The following SASH1 variants were observed in gnomAD, a reference collection of about 807,000 sequenced individuals.
SASH1 encodes the protein SAM and SH3 domain-containing protein 1.
Under a neutral mutation model 125.2 loss-of-function variants are expected in SASH1, and 44 were observed. That is an observed-to-expected ratio of 0.35 (90% CI 0.28 to 0.45). The LOEUF (loss-of-function observed/expected upper bound fraction) is 0.45. SASH1 is among the 20% of genes least tolerant of loss of function. SASH1 has a pLI of 1.00. For synonymous variants in SASH1, 639 were observed against 649.1 expected, an observed-to-expected ratio of 0.98 and a Z score of 0.24; for missense variants, 1,426 against 1,614.5, an observed-to-expected ratio of 0.88 and a Z score of 2.00.
intron 10 of SASH1, among the ~76,000 whole-genome samples, chr6:148,522,075 G>A (rs1250294382): frequency 2.0e-5 from 3 of 152,158 alleles, no homozygotes; most frequent in Non-Finnish European, 1.5e-5. Context: ...ATGGACATTT[G>A]GGCAAGCTCA....
chr6:148,466,297 G>T (rs1018061539), intron 4 of SASH1, among the ~76,000 whole-genome samples: 3 of 152,180 alleles, frequency 2.0e-5, no homozygotes, highest in African/African-American at 7.2e-5. Flanking sequence ...ACAATAGAAA[G>T]CTTTCAGATT....
chr6:148,195,823 A>C, the SASH1 span, among the ~76,000 whole-genome samples: 7 of 152,220 alleles, frequency 4.6e-5, no homozygotes, highest in South Asian at 1.4e-3. Flanking sequence ...ATTTACTATG[A>C]ACCAATGGCT....
chr6:148,232,709 A>T, the SASH1 span, among the ~76,000 whole-genome samples: 1 of 152,284 alleles, frequency 6.6e-6, no homozygotes, highest in African/African-American at 2.4e-5. Context: ...GGAAAATCAG[A>T]GGACTTGGCA....
chr6:148,243,651 C>CAAAA, the SASH1 span, among the ~76,000 whole-genome samples: 2 of 70,286 alleles, frequency 2.8e-5, no homozygotes, highest in Admixed American at 2.1e-4. Context: ...AACTGTGTCT[C>CAAAA]AAAAAAAAAA....
chr6:148,487,214 T>C (rs1778916965), intron 7 of SASH1, among the ~76,000 whole-genome samples: 2 of 151,238 alleles, frequency 1.3e-5, no homozygotes, highest in Admixed American at 1.3e-4. Flanking sequence ...ATGCATGTTT[T>C]TGACTTACAC....
intron 11 of SASH1, among the ~76,000 whole-genome samples, 198 bp downstream of exon 11, chr6:148,525,563 C>A (rs1415991504): frequency 6.6e-6 from 1 of 152,244 alleles, no homozygotes; most frequent in East Asian, 1.9e-4. Context: ...ACCACTCTCA[C>A]TGCCATCTCC....
chr6:148,268,206 T>C (rs751108329), upstream of SASH1, among the ~76,000 whole-genome samples: 7 of 152,222 alleles, frequency 4.6e-5, no homozygotes, highest in Non-Finnish European at 7.3e-5. Flanking sequence ...GAAAGAATCT[T>C]TCATTTAAAA....
chr6:148,213,505 G>GGTGTGT, the SASH1 span, among the ~76,000 whole-genome samples: 6,664 of 148,404 alleles, frequency 0.045, 165 homozygotes, highest in African/African-American at 0.046. Flanking sequence ...CTAGCCAAAG[G>GGTGTGT]GTGTGTGTGT....
At chr6:148,227,287 T>C in the SASH1 span, among the ~76,000 whole-genome samples, 3 of 152,176 alleles carry the variant, frequency 2.0e-5, no homozygotes, top group African/African-American at 7.2e-5. Context: ...ATTTGTCTTG[T>C]CCATAGCTGC....
chr6:148,515,409 C>G (rs1315322873), intron 9 of SASH1, among the ~76,000 whole-genome samples: 1 of 152,034 alleles, frequency 6.6e-6, no homozygotes, highest in African/African-American at 2.4e-5. Context: ...TGAATTTCCC[C>G]TTATTTGCAA....
At chr6:148,270,904 CTTT>C (rs780443533), upstream of SASH1, among the ~76,000 whole-genome samples, 3 of 127,608 alleles carry the variant, frequency 2.4e-5, no homozygotes, top group African/African-American at 3.0e-5. Flanking sequence ...TCATCCACAA[CTTT>C]TTTTTTTTTT....
intron 2 of SASH1, among the ~76,000 whole-genome samples, chr6:148,403,074 T>A (rs976907620): frequency 6.6e-6 from 1 of 152,088 alleles, no homozygotes; most frequent in Non-Finnish European, 1.5e-5. Context: ...GAGATGAGAT[T>A]TGAAACCAGG....
chr6:148,221,421 C>CAA, the SASH1 span, among the ~76,000 whole-genome samples: 1 of 152,116 alleles, frequency 6.6e-6, no homozygotes, highest in Non-Finnish European at 1.5e-5. Flanking sequence ...TAGCTGTATG[C>CAA]AAGGAAGTGA....
chr6:148,217,846 TA>T, the SASH1 span, among the ~76,000 whole-genome samples: 800 of 123,336 alleles, frequency 6.5e-3, 1 homozygote, highest in Middle Eastern at 0.032. Context: ...ATCCCATCTC[TA>T]AAAAAAAAAA....
At chr6:148,220,733 G>T in the SASH1 span, among the ~76,000 whole-genome samples, 1 of 152,134 alleles carries the variant, frequency 6.6e-6, no homozygotes, top group Non-Finnish European at 1.5e-5. Flanking sequence ...TGGCCAACAT[G>T]GTGAAACCCC....
chr6:148,482,763 A>G (rs1452301906), intron 7 of SASH1, among the ~76,000 whole-genome samples: 1 of 145,998 alleles, frequency 6.8e-6, no homozygotes, highest in Admixed American at 7.1e-5. Flanking sequence ...ATCTTGGCTC[A>G]CTGCAACCTC....
intron 9 of SASH1, 70 bp downstream of exon 9, chr6:148,514,526 G>A: frequency 7.2e-7 from 1 of 1,396,550 alleles, no homozygotes. Flanking sequence ...AAATCATTTG[G>A]GGTCAGTTTC....
chr6:148,417,596 A>AATAAATAAATAAATAAATAT (rs1401207697), intron 2 of SASH1, among the ~76,000 whole-genome samples: 2 of 151,832 alleles, frequency 1.3e-5, no homozygotes, highest in Non-Finnish European at 2.9e-5. Context: ...TAAATAAATA[A>AATAAATAAATAAATAAATAT]ATAAATAAAT....
intron 1 of SASH1, among the ~76,000 whole-genome samples, chr6:148,307,215 T>C (rs1780169015): frequency 6.6e-6 from 1 of 151,760 alleles, no homozygotes; most frequent in Admixed American, 6.6e-5. Flanking sequence ...GCCTCCCAGG[T>C]TCAAGCGATT....
Sources: gnomAD v4.1 joint callset for allele counts (sites outside exome capture counted in the v4.1 genomes callset) on GRCh38, gnomAD v4.1.1 for gene constraint, MANE v1.5 for transcripts, NCBI Gene and HGNC (gene_info 2026-07-23, HGNC 2026-07-21) for gene names.